Variants in CPT1C observed in about 807,000 individuals in gnomAD.
The protein encoded by CPT1C is carnitine palmitoyltransferase 1C.
A neutral mutation model predicts 97.3 loss-of-function variants in CPT1C; 61 were observed. The ratio of observed to expected loss-of-function variants is 0.63; its 90% CI spans 0.51 to 0.78. The LOEUF is 0.78. CPT1C is among the 30% of genes least tolerant of loss of function. The probability of loss-of-function intolerance (pLI) is 0.00; values close to 1 mark genes in which losing one functional copy is unlikely to be tolerated. For missense variants in CPT1C, 975 were observed against 1,065.5 expected, an observed-to-expected ratio of 0.92 and a Z score of 1.18; for synonymous variants, 469 against 447.2, an observed-to-expected ratio of 1.05 and a Z score of -0.61.
In CPT1C at chr19:49,700,692, A is replaced by G. The variant is rs1168647292; in HGVS notation, c.290A>G (p.Gln97Arg). 3 of 1,608,780 alleles carry G rather than the reference A, an allele frequency of 1.9e-6. No homozygotes were observed. Among genetic ancestry groups the G allele is most frequent in the South Asian group, 1.1e-5 (1 of 91,070 alleles). The change falls in exon 5 of 20, where the codon CAA becomes CGA. Residue 97 changes from glutamine to arginine, a missense_variant. Coordinates refer to ENST00000598293, the MANE Select transcript of CPT1C (RefSeq NM_001199753.2). ...IKELLPDWGG[Q>R]HHGLRGVLAA... The stretch of plus-strand genomic sequence containing the variant: ...TGTTTCTCTCCCCGCAGGGGTGGAC[A>G]ACACCACGGGCTCCGGGGGGTCCTG...
chr19:49,706,147 C>T lies in CPT1C; in HGVS notation c.1160+43C>T. The T allele has an allele frequency of 1.3e-6, 2 of 1,584,368 alleles. No individual in the cohort carries two copies. Among genetic ancestry groups the T allele is most frequent in the Non-Finnish European group, 1.7e-6 (2 of 1,163,838 alleles). ...GGGGTCAGGGGCTCTCAGAGGCCGC[C>T]AGTGTCCTGAGACTGTGGAAGGGCA... On this transcript the variant is annotated intron_variant, in intron 11 of 19. Coordinates refer to ENST00000598293, the MANE Select transcript of CPT1C (RefSeq NM_001199753.2). This position sits in a 1 kb window ranked among gnomAD's most constrained non-coding sequence, Gnocchi z 4.8.
Position 49,712,776 on chromosome 19 carries a change from C to G in CPT1C, c.2060C>G (p.Pro687Arg), listed in dbSNP as rs904641963. ...TGGCAGCTGTCCACCAGCCAGATCC[C>G]TGTTCAGCAAATGCATCTGTTTGAC... ...EQWQLSTSQI[P>R]VQQMHLFDVH... Residue 687 changes from proline to arginine, a missense_variant, in exon 18 of 20, where the codon CCT (proline) becomes CGT (arginine). Physicochemically the swap from Pro to Arg is moderately radical, Grantham distance 103. Around this residue, in one of 3 missense-constraint regions of CPT1C, gnomAD observed 344 missense variants for 395.7 expected, o/e 0.87. Transcript: ENST00000598293. 8 of 1,613,952 alleles carry G rather than the reference C, an allele frequency of 5.0e-6. No individual in the cohort carries two copies. In the African/African-American group the frequency reaches 1.1e-4, roughly 22 times the overall value.
chr19:49,705,105 G>A lies in CPT1C; in HGVS notation c.870G>A (p.Glu290=). 6.2e-7 allele frequency: 1 copy of A among 1,614,088 alleles called. No individual in the cohort carries two copies. Among genetic ancestry groups the A allele is most frequent in the Non-Finnish European group, 8.5e-7 (1 of 1,179,976 alleles). ...ACCGCCACCGCCTGAACCGCCAGGA[G>A]ATACCCCCGGTGAGAGGGCCCCAGT... is the stretch of plus-strand genomic sequence containing the variant. The part of the protein sequence containing the change: ...LLYRHRLNRQ[E]IPPTLLMGMR... Residue 290 remains glutamate, a synonymous_variant, in exon 9 of 20, where the codon GAG becomes GAA. Coordinates refer to ENST00000598293, the MANE Select transcript of CPT1C (RefSeq NM_001199753.2).
intron 7 of CPT1C, among the ~76,000 whole-genome samples, chr19:49,703,098 CACTCA>C (rs2083279013): frequency 6.6e-6 from 1 of 150,684 alleles, no homozygotes; most frequent in Non-Finnish European, 1.5e-5. Flanking sequence ...CACACACACA[CACTCA>C]TTTCTTTCTT....
In CPT1C at chr19:49,702,060, A is replaced by ATG. The variant is rs1568521420; in HGVS notation, c.693+427_693+428insGT. On this transcript the variant is annotated intron_variant, in intron 7 of 19. Transcript: ENST00000598293. ...ATATTTATTTATAAATTATAAATAT[A>ATG]TATTTATTTATAAATTATAAATATA... Among the ~76,000 whole-genome samples the ATG allele has an allele frequency of 2.5e-3, 263 of 104,766 alleles. 24 individuals are homozygous for ATG. The highest frequency in any genetic ancestry group is 0.019 in the East Asian group (69 of 3,696). The allele number at this position is 104,766 out of a possible 152,430, so 68.7% of individuals were successfully genotyped here.
At position 49,701,963 on chromosome 19, in the gene CPT1C, T is replaced by C. The variant is rs1293667415; in HGVS notation, c.693+329T>C. The stretch of plus-strand genomic sequence containing the variant: ...ATAAATTTATATATAAATATATTTA[T>C]ATATAAATTTATAAATAAATATATA... On this transcript the variant is annotated intron_variant, in intron 7 of 19. Transcript: ENST00000598293. 3.1e-5 allele frequency among the ~76,000 whole-genome samples: 3 copies of C among 95,770 alleles called. 1 individual carries two copies. The highest frequency in any genetic ancestry group is 1.6e-4 in the African/African-American group (3 of 18,910). 62.8% of individuals were successfully genotyped at this position (95,770 alleles called of 152,430 possible).
chr19:49,701,091 G>A (rs12462996), intron 5 of CPT1C, among the ~76,000 whole-genome samples: 1 of 24,782 alleles, frequency 4.0e-5, no homozygotes, highest in African/African-American at 2.5e-4. Flanking sequence ...CTCTACCCCC[G>A]ACTCTCTCTG....
chr19:49,701,442 G>A, intron 6 of CPT1C, 24 bp downstream of exon 6: 2 of 1,590,512 alleles, frequency 1.3e-6, no homozygotes, highest in South Asian at 1.1e-5. Flanking sequence ...CGCGCAGACG[G>A]GCTGGGGCGG....
rs2083510774 is a variant in CPT1C at position 49,706,525 on chromosome 19, T to G, written c.1343+112T>G. On this transcript the variant is annotated intron_variant, in intron 12 of 19. Transcript: ENST00000598293. This position sits in a 1 kb window ranked among gnomAD's most constrained non-coding sequence, Gnocchi z 4.8. ...CCCTGGAGCCCACACCTGCAGAGTC[T>G]GTAGACCAGGGGCTGCATAGAGCTG... is the stretch of plus-strand genomic sequence containing the variant. 1.1e-6 allele frequency: 1 copy of G among 950,762 alleles called. No individual in the cohort carries two copies. Among genetic ancestry groups the G allele is most frequent in the Non-Finnish European group, 1.4e-6 (1 of 705,330 alleles). The allele number at this position is 950,762 out of a possible 1,614,324, so 58.9% of individuals were successfully genotyped here.
chr19:49,708,399 G>A (rs1425119008), intron 13 of CPT1C, among the ~76,000 whole-genome samples: 1 of 152,132 alleles, frequency 6.6e-6, no homozygotes, highest in Non-Finnish European at 1.5e-5. Context: ...CTACTCCGGA[G>A]GCTAAGGCAG....
At position 49,706,336 on chromosome 19, in the gene CPT1C, GGGGCTC is replaced by G; in HGVS notation, c.1267_1272del (p.Gly423_Leu424del). On this transcript the variant is annotated inframe_deletion, in exon 12 of 20. Transcript: ENST00000598293. The surrounding 1 kb of genome is among the most constrained non-coding windows in gnomAD (Gnocchi z 4.8). ...TTGTGTCACTGGATGCTGAGCCCGC[GGGGCTC>G]ACCAGGGAGGACCCGGCAGCGTCGT... 1 of 1,523,788 alleles carries G rather than the reference GGGGCTC, an allele frequency of 6.6e-7. No homozygotes were observed. The highest frequency in any genetic ancestry group is 1.7e-4 in the Middle Eastern group (1 of 5,782). The allele number at this position is 1,523,788 out of a possible 1,614,324, so 94.4% of individuals were successfully genotyped here.
chr19:49,712,411 G>A, intron 17 of CPT1C: 1 of 387,638 alleles, frequency 2.6e-6, no homozygotes, highest in Non-Finnish European at 4.7e-6. Context: ...GTTGTGGGGG[G>A]GCGGCAAGGC....
Position 49,710,732 on chromosome 19 carries a change from C to G in CPT1C, c.1741C>G (p.Gln581Glu). 6.2e-7 allele frequency: 1 copy of G among 1,612,982 alleles called. No homozygotes were observed. The highest frequency in any genetic ancestry group is 1.3e-5 in the African/African-American group (1 of 75,052). Residue 581 changes from glutamine to glutamate, a missense_variant, in exon 16 of 20, where the codon CAA (glutamine) becomes GAA (glutamate). Physicochemically the swap from Gln to Glu is conservative, Grantham distance 29 (BLOSUM62 2). Transcript: ENST00000598293. ...CCTCCCTGTCCCCCAGGACAGGGGTCAATTCTGCCTGACTTATGAGTCGGC... is the reference window on the plus strand; with the variant it reads ...CCTCCCTGTCCCCCAGGACAGGGGTGAATTCTGCCTGACTTATGAGTCGGC... ...LQLAHFRDRG[Q>E]FCLTYESAMT...
rs965505881 is a variant in CPT1C at position 49,711,932 on chromosome 19, C to T, written c.1990C>T (p.Leu664Phe). ...TGCGCTGTACATCGTGTCCCGATTC[C>T]TCCACCTGCAGTCGCCCTTCCTGAC... ...LFALYIVSRF[L>F]HLQSPFLTQV... is the part of the protein sequence containing the mutation. Residue 664 changes from leucine to phenylalanine, a missense_variant, in exon 17 of 20, where the codon CTC becomes TTC. Around this residue, in one of 3 missense-constraint regions of CPT1C, gnomAD observed 344 missense variants for 395.7 expected, o/e 0.87. Coordinates refer to ENST00000598293, the MANE Select transcript of CPT1C (RefSeq NM_001199753.2). The T allele has an allele frequency of 6.2e-7, 1 of 1,614,168 alleles. No homozygotes were observed. The highest frequency in any genetic ancestry group is 8.5e-7 in the Non-Finnish European group (1 of 1,180,008).
At position 49,700,694 on chromosome 19, in the gene CPT1C, C is replaced by T; in HGVS notation, c.292C>T (p.His98Tyr). 1 of 1,608,978 alleles carries T rather than the reference C, an allele frequency of 6.2e-7. No individual in the cohort carries two copies. The highest frequency in any genetic ancestry group is 8.5e-7 in the Non-Finnish European group (1 of 1,179,992). ...TTTCTCTCCCCGCAGGGGTGGACAA[C>T]ACCACGGGCTCCGGGGGGTCCTGGC... ...KELLPDWGGQ[H>Y]HGLRGVLAAA... The change falls in exon 5 of 20, where the codon CAC becomes TAC. Residue 98 changes from histidine to tyrosine, a missense_variant. By Grantham distance (83) the His-to-Tyr change is moderately conservative (BLOSUM62 2). Coordinates refer to ENST00000598293, the MANE Select transcript of CPT1C (RefSeq NM_001199753.2).
chr19:49,703,391 G>A lies in CPT1C; in HGVS notation c.694-1319G>A, dbSNP rs534940724. 3.4e-3 allele frequency among the ~76,000 whole-genome samples: 499 copies of A among 146,648 alleles called. 1 individual carries two copies. Among genetic ancestry groups the A allele is most frequent in the Admixed American group, 5.5e-3 (80 of 14,584 alleles). ...GTATTTTTGTATTTTTAGTAGAGAT[G>A]GGGTTTCACCGTGTTAGCCAGGATG... On this transcript the variant is annotated intron_variant, in intron 7 of 19. Transcript: ENST00000598293.
At chr19:49,702,062 A>G (rs1233245256) in intron 7 of CPT1C, among the ~76,000 whole-genome samples, 1 of 114,752 alleles carries the variant, frequency 8.7e-6, no homozygotes, top group Non-Finnish European at 1.7e-5. Context: ...ATAAATATAT[A>G]TTTATTTATA....
Position 49,712,770 on chromosome 19 carries a change from A to G in CPT1C, c.2054A>G (p.Gln685Arg), listed in dbSNP as rs754808920. ...GAGCAGTGGCAGCTGTCCACCAGCC[A>G]GATCCCTGTTCAGCAAATGCATCTG... ...HSEQWQLSTSQIPVQQMHLFD... is the reference protein window; with the variant it reads ...HSEQWQLSTSRIPVQQMHLFD... Residue 685 changes from glutamine (Q) to arginine (R), a missense_variant, in exon 18 of 20, where the codon CAG becomes CGG. Gln to Arg is a conservative substitution (Grantham distance 43). Coordinates refer to ENST00000598293, the MANE Select transcript of CPT1C (RefSeq NM_001199753.2). The G allele has an allele frequency of 1.9e-5, 30 of 1,613,990 alleles. No homozygotes were observed. The highest frequency in any genetic ancestry group is 2.5e-5 in the Non-Finnish European group (29 of 1,179,982).
intron 3 of CPT1C, among the ~76,000 whole-genome samples, chr19:49,695,444 C>T (rs2082614983): frequency 1.3e-5 from 2 of 151,654 alleles, no homozygotes; most frequent in Admixed American, 6.6e-5. Context: ...CCACCAGGCC[C>T]GGCTAATTTT....
Sources: allele counts gnomAD v4.1 joint callset (sites outside exome capture counted in the v4.1 genomes callset), GRCh38; gene constraint gnomAD v4.1.1; regional missense constraint gnomAD v4.1.1; non-coding constraint Gnocchi (gnomAD v3.1); transcripts MANE v1.5; gene names NCBI Gene and HGNC (gene_info 2026-07-23, HGNC 2026-07-21).